Variants in TMEM87B observed in about 807,000 individuals in gnomAD.
The protein encoded by TMEM87B is transmembrane protein 87B.
A neutral mutation model predicts 80.3 loss-of-function variants in TMEM87B; 83 were observed. The observed-to-expected ratio is 1.03, with a 90% CI of 0.87 to 1.24. The LOEUF (loss-of-function observed/expected upper bound fraction) is 1.24, where lower values mean the gene tolerates loss of function less well. TMEM87B is among the 50% of genes most tolerant of loss of function. TMEM87B has a pLI of 0.00. For missense variants in TMEM87B, 625 were observed against 674.4 expected (o/e 0.93, Z 0.81); for synonymous variants, 219 against 230.5 (o/e 0.95, Z 0.45).
intron 8 of TMEM87B, among the ~76,000 whole-genome samples, chr2:112,082,019 A>G (rs1480905325): frequency 6.6e-6 from 1 of 152,150 alleles, no homozygotes; most frequent in African/African-American, 2.4e-5. Context: ...TAACCAGTGG[A>G]GGCACCATCA....
At position 112,097,416 on chromosome 2, in the gene TMEM87B, C is replaced by T. The variant is rs963940154; in HGVS notation, c.1272+125C>T. ...TGGAGATTTATGTTTTTACTTTGAA[C>T]TATTTTTTACAGAGTTATAAAAACT... On this transcript the variant is annotated intron_variant, in intron 13 of 18. Transcript: ENST00000283206. The T allele has an allele frequency of 4.3e-6, 4 of 919,596 alleles. No individual in the cohort carries two copies. The Admixed American group carries it at 9.5e-5, about 22-fold the overall frequency. 57.0% of individuals were successfully genotyped at this position (919,596 alleles called of 1,614,324 possible).
chr2:112,082,673 T>C (rs1454447672), intron 8 of TMEM87B, among the ~76,000 whole-genome samples: 2 of 151,380 alleles, frequency 1.3e-5, no homozygotes, highest in Admixed American at 6.6e-5. Context: ...TGTGTGTGTG[T>C]GTGCGTGTGC....
At chr2:112,090,909 G>C (rs1440415881) in intron 10 of TMEM87B, among the ~76,000 whole-genome samples, 1 of 152,048 alleles carries the variant, frequency 6.6e-6, no homozygotes, top group African/African-American at 2.4e-5. Context: ...TGTTGTCTTT[G>C]ATACACCTGC....
intron 7 of TMEM87B, 101 bp downstream of exon 7, chr2:112,081,219 T>G: frequency 7.0e-7 from 1 of 1,429,408 alleles, no homozygotes; most frequent in Non-Finnish European, 9.7e-7. Context: ...TGACATATCC[T>G]GTATTTCTGG....
At chr2:112,095,596 A>G (rs1261935025) in intron 11 of TMEM87B, 1 of 561,400 alleles carries the variant, frequency 1.8e-6, no homozygotes, top group African/African-American at 2.0e-5. Context: ...GTATATTTGC[A>G]TTTTTAAAGT....
intron 5 of TMEM87B, 42 bp from the exon 6 acceptor site, chr2:112,077,150 T>C: frequency 9.0e-7 from 1 of 1,117,178 alleles, no homozygotes; most frequent in South Asian, 1.5e-5. Context: ...TACATAGCAA[T>C]TTGTTAAAAA....
intron 17 of TMEM87B, among the ~76,000 whole-genome samples, chr2:112,108,138 A>G (rs952789379): frequency 6.6e-6 from 1 of 152,140 alleles, no homozygotes; most frequent in African/African-American, 2.4e-5. Flanking sequence ...CGTCAAATGT[A>G]TGTAAACTTT....
chr2:112,086,084 C>T lies in TMEM87B; in HGVS notation c.918C>T (p.Ser306=). 1 of 1,614,112 alleles carries T rather than the reference C, an allele frequency of 6.2e-7. No homozygotes were observed. Among genetic ancestry groups the T allele is most frequent in the Non-Finnish European group, 8.5e-7 (1 of 1,180,006 alleles). Residue 306 remains serine (S), a synonymous_variant, in exon 9 of 19, where the codon AGC becomes AGT. Transcript: ENST00000283206. ...CTCGCCTTCTCGTGATCATTGTGAGCCTGGGCTATGGCATTGTGAAGTAAG... is the reference window on the plus strand; with the variant it reads ...CTCGCCTTCTCGTGATCATTGTGAGTCTGGGCTATGGCATTGTGAAGTAAG... ...TLARLLVIIV[S]LGYGIVKPRL...
At chr2:112,096,051 C>T (rs1372624098) in intron 11 of TMEM87B, among the ~76,000 whole-genome samples, 1 of 151,656 alleles carries the variant, frequency 6.6e-6, no homozygotes, top group East Asian at 1.9e-4. Flanking sequence ...CGAGAAAAGA[C>T]TTACCTCAGA....
chr2:112,096,644 T>A (rs1202244008), intron 11 of TMEM87B, among the ~76,000 whole-genome samples: 2 of 152,196 alleles, frequency 1.3e-5, no homozygotes, highest in Admixed American at 6.5e-5. Flanking sequence ...ACTGGAAAGA[T>A]CAAAATAAGA....
intron 11 of TMEM87B, among the ~76,000 whole-genome samples, chr2:112,095,631 T>C (rs972234516): frequency 6.6e-6 from 1 of 152,190 alleles, no homozygotes; most frequent in Non-Finnish European, 1.5e-5. Context: ...GAATTGGTTG[T>C]ATTGTATTGC....
chr2:112,095,050 GA>G (rs893416726), intron 11 of TMEM87B, among the ~76,000 whole-genome samples: 22 of 150,448 alleles, frequency 1.5e-4, no homozygotes, highest in African/African-American at 5.4e-4. Context: ...AAAGTCATAG[GA>G]AAAAAAATAG....
At chr2:112,071,058 T>C (rs190988990) in intron 4 of TMEM87B, among the ~76,000 whole-genome samples, 1,698 of 151,758 alleles carry the variant, frequency 0.011, 39 homozygotes, top group African/African-American at 0.039. Context: ...ATCTCCTGAC[T>C]TCATGATCCA....
intron 13 of TMEM87B, among the ~76,000 whole-genome samples, chr2:112,097,561 C>G (rs1450252773): frequency 6.6e-6 from 1 of 151,836 alleles, no homozygotes; most frequent in Non-Finnish European, 1.5e-5. Flanking sequence ...CCCGTCTCTA[C>G]TAAAAATACA....
chr2:112,090,371 ATTGGTTGATTGG>A (rs1177152546), intron 10 of TMEM87B, among the ~76,000 whole-genome samples: 1 of 134,394 alleles, frequency 7.4e-6, no homozygotes, highest in Non-Finnish European at 1.6e-5. Flanking sequence ...TGGTTGTCTC[ATTGGTTGATTGG>A]TTGGTTGGTT....
At chr2:112,062,259 C>G (rs1011230452) in intron 2 of TMEM87B, among the ~76,000 whole-genome samples, 7 of 152,178 alleles carry the variant, frequency 4.6e-5, no homozygotes, top group African/African-American at 1.7e-4. Context: ...TTTGGGAGAT[C>G]AGATATCTGG....
Position 112,097,166 on chromosome 2 carries a change from T to C in TMEM87B, c.1213+14T>C. 6.3e-7 allele frequency: 1 copy of C among 1,593,326 alleles called. No homozygotes were observed. ...TTGCTGTGCTGGGTAAGCTATTTAA[T>C]TTTTCTTACAGTAAATTATCTTAGT... is the stretch of plus-strand genomic sequence containing the variant. On this transcript the variant is annotated intron_variant, in intron 12 of 18. Coordinates refer to ENST00000283206, the MANE Select transcript of TMEM87B (RefSeq NM_032824.3).
intron 17 of TMEM87B, among the ~76,000 whole-genome samples, chr2:112,109,224 A>G (rs1259147845): frequency 1.3e-5 from 2 of 152,190 alleles, no homozygotes; most frequent in Non-Finnish European, 2.9e-5. Context: ...ACACTGTTAT[A>G]CTTTTTTATT....
chr2:112,106,127 C>A, intron 16 of TMEM87B, 52 bp downstream of exon 16: 1 of 1,148,720 alleles, frequency 8.7e-7, no homozygotes, highest in Non-Finnish European at 1.2e-6. Flanking sequence ...GTCTTCACTA[C>A]TTTAGAGAGC....
Sources: gnomAD v4.1 joint callset for allele counts (sites outside exome capture counted in the v4.1 genomes callset) on GRCh38, gnomAD v4.1.1 for gene constraint, MANE v1.5 for transcripts, NCBI Gene and HGNC (gene_info 2026-07-23, HGNC 2026-07-21) for gene names.